Variants in TINAG observed in about 807,000 individuals in gnomAD.
TINAG encodes tubulointerstitial nephritis antigen.
A neutral mutation model predicts 72.7 loss-of-function variants in TINAG; 83 were observed. The observed-to-expected ratio is 1.14, with a 90% confidence interval of 0.96 to 1.37. The LOEUF (loss-of-function observed/expected upper bound fraction) is 1.37. TINAG is among the 40% of genes most tolerant of loss of function. TINAG has a pLI of 0.00. For missense variants in TINAG, 685 were observed against 576.6 expected, an observed-to-expected ratio of 1.19 and a Z score of -1.93; for synonymous variants, 234 against 189.9, an observed-to-expected ratio of 1.23 and a Z score of -1.91.
chr6:54,327,000 A>C, intron 4 of TINAG, 84 bp downstream of exon 4: 1 of 1,581,322 alleles, frequency 6.3e-7, no homozygotes, highest in Middle Eastern at 1.7e-4. Flanking sequence ...ATAAATCACT[A>C]AAATAATGAG....
chr6:54,370,352 T>G (rs1469492334), intron 9 of TINAG, among the ~76,000 whole-genome samples: 1 of 152,006 alleles, frequency 6.6e-6, no homozygotes, highest in East Asian at 1.9e-4. Context: ...GCTAAGAAAA[T>G]CCTTTGGCTG....
intron 9 of TINAG, among the ~76,000 whole-genome samples, chr6:54,366,529 C>T (rs1378077372): frequency 6.9e-6 from 1 of 145,902 alleles, no homozygotes; most frequent in Non-Finnish European, 1.5e-5. Flanking sequence ...CCATGGCAGG[C>T]ATTAAGAATA....
intron 9 of TINAG, among the ~76,000 whole-genome samples, chr6:54,375,684 G>T (rs1433119275): frequency 6.6e-6 from 1 of 152,140 alleles, no homozygotes; most frequent in East Asian, 1.9e-4. Flanking sequence ...TCAACTGTGT[G>T]AAAGTCATTG....
intron 5 of TINAG, among the ~76,000 whole-genome samples, chr6:54,345,229 C>A (rs1434438800): frequency 6.6e-6 from 1 of 152,110 alleles, no homozygotes; most frequent in Non-Finnish European, 1.5e-5. Context: ...CTTAAATATT[C>A]TGACCTTTTC....
intron 4 of TINAG, among the ~76,000 whole-genome samples, chr6:54,341,950 A>G (rs1006597994): frequency 4.6e-5 from 7 of 152,202 alleles, no homozygotes; most frequent in African/African-American, 1.7e-4. Context: ...ATAGCTAATA[A>G]TATTTGTCCC....
intron 5 of TINAG, among the ~76,000 whole-genome samples, chr6:54,343,655 A>C (rs1785054708): frequency 6.6e-6 from 1 of 151,876 alleles, no homozygotes; most frequent in Non-Finnish European, 1.5e-5. Flanking sequence ...AAAAGGATTA[A>C]GGTTCTTTTT....
chr6:54,336,907 T>C (rs1481271768), intron 4 of TINAG, among the ~76,000 whole-genome samples: 5 of 152,052 alleles, frequency 3.3e-5, no homozygotes, highest in Non-Finnish European at 7.4e-5. Flanking sequence ...ACAGCATCCT[T>C]TCTCGGTCAT....
chr6:54,377,825 A>G (rs917194940), intron 9 of TINAG, among the ~76,000 whole-genome samples: 4 of 152,162 alleles, frequency 2.6e-5, no homozygotes, highest in African/African-American at 9.6e-5. Context: ...AATGCCCTCA[A>G]GAAGACAGGA....
intron 9 of TINAG, among the ~76,000 whole-genome samples, chr6:54,373,260 A>G (rs1263387110): frequency 6.6e-6 from 1 of 152,042 alleles, no homozygotes; most frequent in African/African-American, 2.4e-5. Context: ...ATGGCTGCCT[A>G]CAATCCCTCT....
At chr6:54,339,482 A>G (rs1448323189) in intron 4 of TINAG, among the ~76,000 whole-genome samples, 2 of 152,210 alleles carry the variant, frequency 1.3e-5, no homozygotes, top group East Asian at 3.9e-4. Flanking sequence ...TTAAGGAAAG[A>G]TCTCAGAAGC....
chr6:54,388,557 C>T (rs572370772), intron 10 of TINAG, among the ~76,000 whole-genome samples: 1 of 152,106 alleles, frequency 6.6e-6, no homozygotes, highest in Admixed American at 6.6e-5. Context: ...TTTTCTTAGT[C>T]CCAGGGTAGG....
intron 10 of TINAG, among the ~76,000 whole-genome samples, chr6:54,384,000 A>G (rs1764024250): frequency 6.6e-6 from 1 of 152,224 alleles, no homozygotes; most frequent in Non-Finnish European, 1.5e-5. Flanking sequence ...TGGCACATAT[A>G]CACCATAGAA....
intron 5 of TINAG, among the ~76,000 whole-genome samples, chr6:54,346,830 GTTAAA>G (rs1008310325): frequency 6.6e-6 from 1 of 151,990 alleles, no homozygotes; most frequent in Non-Finnish European, 1.5e-5. Context: ...CTCCTGGGTA[GTTAAA>G]TTAGATTAAA....
chr6:54,347,513 CG>C lies in TINAG; in HGVS notation c.896del (p.Arg299LeufsTer44). 6.2e-7 allele frequency: 1 copy of C among 1,612,110 alleles called. No individual in the cohort carries two copies. The highest frequency in any genetic ancestry group is 8.5e-7 in the Non-Finnish European group (1 of 1,178,960). On this transcript the variant is annotated frameshift_variant, in exon 6 of 11. Coordinates refer to ENST00000259782, the MANE Select transcript of TINAG (RefSeq NM_014464.4). LOFTEE classifies it high-confidence loss of function. ...TAGGGCTTGGTGGTACCTGAGAAAA[CG>C]TGGGTAAATAGCTGCTCAACATGTG... is the stretch of plus-strand genomic sequence containing the variant. ...IDRAWWYLRK[R>X]GLVSHACYPL...
At chr6:54,327,202 C>T (rs147784988) in intron 4 of TINAG, 46 of 1,528,624 alleles carry the variant, frequency 3.0e-5, no homozygotes, top group African/African-American at 2.9e-4. Context: ...CAGCTCCCAG[C>T]GAGACCAACG....
At chr6:54,326,382 C>T (rs1784602830) in intron 3 of TINAG, among the ~76,000 whole-genome samples, 1 of 151,576 alleles carries the variant, frequency 6.6e-6, no homozygotes, top group African/African-American at 2.4e-5. Context: ...TTCATGCATA[C>T]TTTTTTACCT....
Position 54,389,661 on chromosome 6 carries a change from G to A in TINAG, c.1297-130G>A, listed in dbSNP as rs1764191815. 3 of 1,126,376 alleles carry A rather than the reference G, an allele frequency of 2.7e-6. No individual in the cohort carries two copies. The Admixed American group carries it at 8.5e-5, about 32-fold the overall frequency. The allele number at this position is 1,126,376 out of a possible 1,614,324, so 69.8% of individuals were successfully genotyped here. On this transcript the variant is annotated intron_variant, in intron 10 of 10. Coordinates refer to ENST00000259782, the MANE Select transcript of TINAG (RefSeq NM_014464.4). Reference sequence around the variant, plus strand: ...TAATACAACCATTATTTAAAAATAGGTAAGTTCTTGATAATTATAGTCTAT... The same window carrying A: ...TAATACAACCATTATTTAAAAATAGATAAGTTCTTGATAATTATAGTCTAT...
intron 1 of TINAG, among the ~76,000 whole-genome samples, chr6:54,319,949 A>G (rs1327958331): frequency 6.6e-6 from 1 of 152,130 alleles, no homozygotes; most frequent in Non-Finnish European, 1.5e-5. Flanking sequence ...ATGATTCACC[A>G]TCCATCTCTT....
intron 1 of TINAG, among the ~76,000 whole-genome samples, chr6:54,311,467 C>G (rs1181155384): frequency 2.0e-5 from 3 of 152,178 alleles, no homozygotes; most frequent in African/African-American, 7.2e-5. Flanking sequence ...CCAGATGGCT[C>G]TCAGAAGTAG....
Sources: allele counts gnomAD v4.1 joint callset (sites outside exome capture counted in the v4.1 genomes callset), GRCh38; gene constraint gnomAD v4.1.1; transcripts MANE v1.5; gene names NCBI Gene and HGNC (gene_info 2026-07-23, HGNC 2026-07-21).